ANO10: variants seen among roughly 807,000 people sequenced by gnomAD.
ANO10 encodes anoctamin 10.
ANO10 carries 77 observed loss-of-function variants against 74.7 expected under a neutral mutation model. That is an observed-to-expected ratio of 1.03 (90% CI 0.86 to 1.25). The LOEUF (loss-of-function observed/expected upper bound fraction) is 1.25. Among genes scored for constraint, ANO10 ranks in the 50% most tolerant of loss-of-function variants. The pLI, the probability that ANO10 is intolerant of heterozygous loss-of-function variation, is 0.00. For synonymous variants in ANO10, 279 were observed against 284.9 expected, an observed-to-expected ratio of 0.98 and a Z score of 0.21; for missense variants, 721 against 778.1, an observed-to-expected ratio of 0.93 and a Z score of 0.87.
intron 12 of ANO10, among the ~76,000 whole-genome samples, chr3:43,382,290 C>T (rs1011135800): frequency 7.9e-5 from 12 of 151,974 alleles, no homozygotes; most frequent in Admixed American, 3.3e-4. Flanking sequence ...GAGGCCGAGG[C>T]GGGCGGATCA....
At chr3:43,383,381 A>G (rs7623883) in intron 12 of ANO10, among the ~76,000 whole-genome samples, 138,726 of 150,390 alleles carry the variant, frequency 0.92, 64,217 homozygotes, top group Non-Finnish European at 0.96. Context: ...GTGAACATGG[A>G]AGGCAGAGCT....
intron 11 of ANO10, among the ~76,000 whole-genome samples, chr3:43,441,502 T>C (rs2093159497): frequency 1.3e-5 from 2 of 151,860 alleles, no homozygotes; most frequent in African/African-American, 4.8e-5. Flanking sequence ...AGTAAGGAGA[T>C]TGAATCAGTA....
chr3:43,481,937 T>C (rs1206770436), intron 11 of ANO10, among the ~76,000 whole-genome samples: 5 of 147,124 alleles, frequency 3.4e-5, no homozygotes, highest in South Asian at 2.2e-4. Flanking sequence ...CTTTTTTTTT[T>C]TTTTTTTTGA....
At chr3:43,480,316 A>G (rs2076219365) in intron 11 of ANO10, among the ~76,000 whole-genome samples, 1 of 152,220 alleles carries the variant, frequency 6.6e-6, no homozygotes, top group Admixed American at 6.5e-5. Context: ...TAATTCAAGG[A>G]TTTCACAGAA....
intron 12 of ANO10, among the ~76,000 whole-genome samples, chr3:43,425,835 T>G (rs1334183922): frequency 6.6e-6 from 1 of 152,188 alleles, no homozygotes; most frequent in Non-Finnish European, 1.5e-5. Flanking sequence ...GAAATCTGCG[T>G]CTGTAGAGAA....
chr3:43,477,231 T>C (rs2076099590), intron 11 of ANO10, among the ~76,000 whole-genome samples: 1 of 152,224 alleles, frequency 6.6e-6, no homozygotes, highest in South Asian at 2.1e-4. Context: ...AGTATTATTG[T>C]AACTGTTAAG....
chr3:43,503,896 T>C (rs1420115985), intron 11 of ANO10, among the ~76,000 whole-genome samples: 1 of 152,158 alleles, frequency 6.6e-6, no homozygotes, highest in African/African-American at 2.4e-5. Flanking sequence ...TTTTTCACAG[T>C]ATAGCAAATC....
At chr3:43,523,743 C>T (rs193269351) in intron 11 of ANO10, among the ~76,000 whole-genome samples, 188 of 152,274 alleles carry the variant, frequency 1.2e-3, no homozygotes, top group African/African-American at 4.4e-3. Flanking sequence ...AAGGTAAATA[C>T]ATACACAATA....
intron 2 of ANO10, among the ~76,000 whole-genome samples, chr3:43,603,533 C>T (rs978672279): frequency 6.6e-6 from 1 of 151,932 alleles, no homozygotes; most frequent in African/African-American, 2.4e-5. Flanking sequence ...CTGAGTGCTG[C>T]GATGTTTATT....
chr3:43,432,639 A>T lies in ANO10; in HGVS notation c.1886T>A (p.Phe629Tyr). The change falls in exon 12 of 13, where the codon TTT (phenylalanine) becomes TAT (tyrosine). Residue 629 changes from phenylalanine (F) to tyrosine (Y), a missense_variant. By Grantham distance (22) the Phe-to-Tyr change is conservative (BLOSUM62 3). Transcript: ENST00000292246. ...CTGCTTGAGTGCCTCCAAAGACTCA[A>T]ATTCCAGTCTGGCTAGTTTCATCTG... ...HIQMKLARLE[F>Y]ESLEALKQQQ... is the part of the protein sequence containing the mutation. The T allele has an allele frequency of 3.1e-6, 5 of 1,613,888 alleles. No homozygotes were observed. Among genetic ancestry groups the T allele is most frequent in the Non-Finnish European group, 4.2e-6 (5 of 1,179,822 alleles).
At position 43,366,397 on chromosome 3, in the gene ANO10, T is replaced by TA; in HGVS notation, c.*508dup. On this transcript the variant is annotated 3_prime_UTR_variant, in exon 13 of 13. Coordinates refer to ENST00000292246, the MANE Select transcript of ANO10 (RefSeq NM_018075.5). ...TTGTTTATGTTGATAAAGGGTCTGT[T>TA]AATGTATTGCAAAAGAGAACCAGGA... 4.4e-6 allele frequency: 1 copy of TA among 227,668 alleles called. No individual in the cohort carries two copies. The highest frequency in any genetic ancestry group is 8.8e-6 in the Non-Finnish European group (1 of 113,012). The allele number at this position is 227,668 out of a possible 1,614,324, so 14.1% of individuals were successfully genotyped here.
intron 11 of ANO10, among the ~76,000 whole-genome samples, chr3:43,508,265 C>T (rs996866073): frequency 4.6e-5 from 7 of 152,110 alleles, no homozygotes; most frequent in African/African-American, 1.4e-4. Flanking sequence ...AAAATAGTTG[C>T]AAACCACATA....
At chr3:43,590,359 T>G (rs893186254) in intron 4 of ANO10, among the ~76,000 whole-genome samples, 1 of 152,166 alleles carries the variant, frequency 6.6e-6, no homozygotes, top group African/African-American at 2.4e-5. Flanking sequence ...TTGAAAAAGC[T>G]CTGTCAAAAG....
intron 1 of ANO10, chr3:43,617,983 A>T (rs1247217983): frequency 6.6e-6 from 1 of 152,296 alleles, no homozygotes; most frequent in African/African-American, 2.4e-5. Context: ...GGGCCAGGCC[A>T]ACTCCAGAGG....
At chr3:43,475,865 G>A (rs573087398) in intron 11 of ANO10, among the ~76,000 whole-genome samples, 3 of 152,244 alleles carry the variant, frequency 2.0e-5, no homozygotes, top group African/African-American at 7.2e-5. Context: ...GCCTCCCAAA[G>A]TGCTGGGATT....
chr3:43,399,733 C>T (rs1250994576), intron 12 of ANO10, among the ~76,000 whole-genome samples: 3 of 152,170 alleles, frequency 2.0e-5, no homozygotes, highest in Non-Finnish European at 2.9e-5. Flanking sequence ...GGCAAATTAT[C>T]TGCAGGCCTC....
chr3:43,450,485 G>A (rs1291159170), intron 11 of ANO10, among the ~76,000 whole-genome samples: 1 of 152,178 alleles, frequency 6.6e-6, no homozygotes, highest in Non-Finnish European at 1.5e-5. Flanking sequence ...AGGTTGCAGC[G>A]AGCTGAGATG....
At position 43,486,241 on chromosome 3, in the gene ANO10, T is replaced by G. The variant is rs544557997; in HGVS notation, c.1798-53514A>C. 2.6e-5 allele frequency among the ~76,000 whole-genome samples: 4 copies of G among 152,336 alleles called. No homozygotes were observed. The East Asian group carries it at 5.8e-4, about 22-fold the overall frequency. ...ATGTACATAACAAGGCCACTTTTGC[T>G]AGTCAAGCCTCCTTTATTCTCTCCC... On this transcript the variant is annotated intron_variant, in intron 11 of 12. Transcript: ENST00000292246.
At chr3:43,609,474 A>G (rs1167588936) in intron 1 of ANO10, among the ~76,000 whole-genome samples, 1 of 152,220 alleles carries the variant, frequency 6.6e-6, no homozygotes, top group Non-Finnish European at 1.5e-5. Context: ...TGACCAAGTG[A>G]AGACAACACC....
Sources: gnomAD v4.1 joint callset for allele counts (sites outside exome capture counted in the v4.1 genomes callset) on GRCh38, gnomAD v4.1.1 for gene constraint, MANE v1.5 for transcripts, NCBI Gene and HGNC (gene_info 2026-07-23, HGNC 2026-07-21) for gene names.